The following KIF15 variants were observed in gnomAD, a reference collection of about 807,000 sequenced individuals.
KIF15 encodes the protein kinesin family member 15, also known as kinesin-like protein KIF15.
KIF15 carries 140 observed loss-of-function variants against 190.6 expected under a neutral mutation model. The observed-to-expected ratio is 0.73, with a 90% CI of 0.64 to 0.84. KIF15 has a LOEUF of 0.84. KIF15 is among the 40% of genes least tolerant of loss of function. KIF15 has a pLI of 0.00. For synonymous variants in KIF15, 528 were observed against 551.3 expected (o/e 0.96, Z 0.59); for missense variants, 1,372 against 1,584.4 (o/e 0.87, Z 2.28).
intron 18 of KIF15, 58 bp downstream of exon 18, chr3:44,812,347 A>G: frequency 8.2e-7 from 1 of 1,217,868 alleles, no homozygotes; most frequent in Non-Finnish European, 1.2e-6. Flanking sequence ...TGTTACCTTG[A>G]GGAAACATCC....
intron 1 of KIF15, among the ~76,000 whole-genome samples, chr3:44,763,748 C>T (rs886542761): frequency 6.6e-6 from 1 of 150,988 alleles, no homozygotes; most frequent in Non-Finnish European, 1.5e-5. Context: ...AGTGCAGTGA[C>T]GCAATCTTGG....
intron 6 of KIF15, among the ~76,000 whole-genome samples, chr3:44,859,628 C>T (rs1559600658): frequency 6.6e-6 from 1 of 152,164 alleles, no homozygotes; most frequent in Admixed American, 6.5e-5. Context: ...CACTGTACTC[C>T]AGCCTGGCAG....
At chr3:44,825,693 G>A (rs776222945) in intron 20 of KIF15, among the ~76,000 whole-genome samples, 1 of 152,198 alleles carries the variant, frequency 6.6e-6, no homozygotes, top group Non-Finnish European at 1.5e-5. Context: ...TGGCTTACGT[G>A]AGCATTAGGT....
chr3:44,780,397 G>A (rs558616171), intron 4 of KIF15, among the ~76,000 whole-genome samples: 1 of 152,240 alleles, frequency 6.6e-6, no homozygotes, highest in Admixed American at 6.5e-5. Context: ...TTTAGGAAAG[G>A]AAATGCTGTA....
chr3:44,861,823 GT>G (rs1377934361), intron 6 of KIF15: 1 of 1,297,514 alleles, frequency 7.7e-7, no homozygotes, highest in Non-Finnish European at 1.1e-6. Flanking sequence ...CTGCCGGAGC[GT>G]GGCGTCACAG....
chr3:44,783,525 C>T lies in KIF15; in HGVS notation c.362-1320C>T, dbSNP rs7619954. On this transcript the variant is annotated intron_variant, in intron 5 of 34. Transcript: ENST00000326047. ...CATGACCCAAAAATGTCCCAGCAGG[C>T]GACACCTCCAACAGTGGGGATCAAA... Among the ~76,000 whole-genome samples, 784 of 152,232 alleles carry T rather than the reference C, an allele frequency of 5.2e-3. 6 individuals are homozygous for T. Among genetic ancestry groups the T allele is most frequent in the Non-Finnish European group, 7.7e-3 (525 of 68,000 alleles).
intron 16 of KIF15, among the ~76,000 whole-genome samples, chr3:44,808,604 TTTTTTA>T (rs1263268888): frequency 1.3e-5 from 2 of 151,776 alleles, no homozygotes; most frequent in East Asian, 3.9e-4. Flanking sequence ...TTTTTTTTTT[TTTTTTA>T]AAAAAAAACG....
chr3:44,763,234 C>G (rs1705223749), intron 1 of KIF15, among the ~76,000 whole-genome samples: 1 of 152,200 alleles, frequency 6.6e-6, no homozygotes, highest in Non-Finnish European at 1.5e-5. Flanking sequence ...GAAGTGGGAA[C>G]ACATGGGAGA....
At position 44,843,250 on chromosome 3, in the gene KIF15, G is replaced by T. The variant is rs181624344; in HGVS notation, c.3695+16G>T. On this transcript the variant is annotated intron_variant, in intron 30 of 34. Coordinates refer to ENST00000326047, the MANE Select transcript of KIF15 (RefSeq NM_020242.3). ...AGGAAAACAGGTGAGAAAGAACCACGAGAACTCTATGGGCTAAATCTTGGC... is the reference window on the plus strand; with the variant it reads ...AGGAAAACAGGTGAGAAAGAACCACTAGAACTCTATGGGCTAAATCTTGGC... 9.2e-5 allele frequency: 143 copies of T among 1,547,644 alleles called. No homozygotes were observed. Among genetic ancestry groups the T allele is most frequent in the Admixed American group, 6.8e-4 (40 of 58,984 alleles).
intron 1 of KIF15, among the ~76,000 whole-genome samples, chr3:44,762,229 T>C (rs1424633780): frequency 6.6e-6 from 1 of 152,208 alleles, no homozygotes; most frequent in Non-Finnish European, 1.5e-5. Context: ...TCTCTAGATA[T>C]CCTTGTCTCA....
intron 31 of KIF15, 32 bp from the exon 32 acceptor site, chr3:44,848,489 C>A: frequency 1.0e-6 from 1 of 958,314 alleles, no homozygotes; most frequent in Non-Finnish European, 1.6e-6. Flanking sequence ...CCTAAGCAAT[C>A]TTTTTATTTT....
At chr3:44,805,223 T>C in intron 15 of KIF15, 55 bp downstream of exon 15, 1 of 1,521,756 alleles carries the variant, frequency 6.6e-7, no homozygotes, top group Admixed American at 1.9e-5. Flanking sequence ...GTTCATTTGC[T>C]GTAGTGTTAA....
At chr3:44,821,133 C>T (rs1344191808) in intron 20 of KIF15, among the ~76,000 whole-genome samples, 4 of 142,740 alleles carry the variant, frequency 2.8e-5, no homozygotes, top group Non-Finnish European at 4.5e-5. Flanking sequence ...GGGGGGCTGA[C>T]CCCCCCACCT....
chr3:44,829,525 T>C (rs1302775812), intron 24 of KIF15, among the ~76,000 whole-genome samples: 1 of 121,008 alleles, frequency 8.3e-6, no homozygotes, highest in African/African-American at 3.2e-5. Flanking sequence ...ATATTATATG[T>C]ATATAATATG....
Position 44,853,160 on chromosome 3 carries a change from C to T in KIF15, c.*425C>T, listed in dbSNP as rs1699121692. On this transcript the variant is annotated 3_prime_UTR_variant, in exon 35 of 35. Transcript: ENST00000326047. ...CTGACTTAGTAGCAGGTACAAGAAG[C>T]AAACTTGTTAATATAGATTATTTTT... 6.5e-6 allele frequency: 1 copy of T among 153,014 alleles called. No individual in the cohort carries two copies. Among genetic ancestry groups the T allele is most frequent in the Admixed American group, 6.5e-5 (1 of 15,302 alleles). The allele number at this position is 153,014 out of a possible 1,614,324, so 9.5% of individuals were successfully genotyped here. A position where few individuals can be genotyped will look rare whatever the true frequency, so the allele number is the denominator to read the frequency against.
Position 44,806,049 on chromosome 3 carries a change from G to A in KIF15, c.1971+63G>A. The A allele has an allele frequency of 3.9e-6, 6 of 1,552,900 alleles. No homozygotes were observed. The Admixed American group carries it at 5.5e-5, about 14-fold the overall frequency. On this transcript the variant is annotated intron_variant, in intron 16 of 34. Transcript: ENST00000326047. ...GCAATGTCATTTTATTAATAATGGA[G>A]AGAGTCTGCATGGTCTATCTCCAGA...
At chr3:44,863,117 A>G (rs1183889214) in intron 6 of KIF15, 2 of 151,908 alleles carry the variant, frequency 1.3e-5, no homozygotes, top group Non-Finnish European at 2.9e-5. Context: ...TTTTTAGCTC[A>G]TCATATATCA....
chr3:44,865,106 A>C (rs201924964), intron 6 of KIF15: 2 of 1,614,006 alleles, frequency 1.2e-6, no homozygotes, highest in South Asian at 2.2e-5. Context: ...AGTGTTCCTT[A>C]TTCTCTGCGG....
chr3:44,835,852 C>T (rs1698284824), intron 26 of KIF15, among the ~76,000 whole-genome samples: 1 of 152,064 alleles, frequency 6.6e-6, no homozygotes, highest in South Asian at 2.1e-4. Context: ...GATATCAAAG[C>T]CAAAACAATT....
Sources: allele counts gnomAD v4.1 joint callset (sites outside exome capture counted in the v4.1 genomes callset), GRCh38; gene constraint gnomAD v4.1.1; transcripts MANE v1.5; gene names NCBI Gene and HGNC (gene_info 2026-07-23, HGNC 2026-07-21).